ADAMTSL3: variants seen among roughly 807,000 people sequenced by gnomAD.
ADAMTSL3 encodes ADAMTS-like protein 3.
Under a neutral mutation model 201.7 loss-of-function variants are expected in ADAMTSL3, and 128 were observed. That is an observed-to-expected ratio of 0.63 (90% confidence interval 0.55 to 0.73). The LOEUF is 0.73. Ranked by LOEUF, ADAMTSL3 falls within the 30% of genes least tolerant of loss-of-function variation. The pLI, the probability that ADAMTSL3 is intolerant of heterozygous loss-of-function variation, is 0.00. For synonymous variants in ADAMTSL3, 738 were observed against 748.4 expected, an observed-to-expected ratio of 0.99 and a Z score of 0.23; for missense variants, 1,990 against 2,119.6, an observed-to-expected ratio of 0.94 and a Z score of 1.20.
intron 3 of ADAMTSL3, among the ~76,000 whole-genome samples, chr15:83,738,745 A>T (rs2062407163): frequency 6.6e-6 from 1 of 151,850 alleles, no homozygotes. Flanking sequence ...AATACAAAAA[A>T]ATTAGCCAGG....
Position 83,820,686 on chromosome 15 carries a change from A to T in ADAMTSL3, c.600+639A>T, listed in dbSNP as rs1372036901. Among the ~76,000 whole-genome samples, 4 of 152,330 alleles carry T rather than the reference A, an allele frequency of 2.6e-5. No individual in the cohort carries two copies. The South Asian group carries it at 6.2e-4, about 24-fold the overall frequency. On this transcript the variant is annotated intron_variant, in intron 6 of 29. Coordinates refer to ENST00000286744, the MANE Select transcript of ADAMTSL3 (RefSeq NM_207517.3). ...ATTTATTTACTGAAAACTAACATGA[A>T]TGCATTCCAGCAGATTTTTCAGAGT...
intron 23 of ADAMTSL3, among the ~76,000 whole-genome samples, chr15:83,994,029 G>T (rs372612361): frequency 3.9e-5 from 6 of 152,170 alleles, no homozygotes; most frequent in Non-Finnish European, 7.3e-5. Context: ...TGTGTGTCAC[G>T]CTCCTCTTTA....
intron 20 of ADAMTSL3, among the ~76,000 whole-genome samples, chr15:83,975,385 C>A (rs1187068375): frequency 6.6e-6 from 1 of 152,144 alleles, no homozygotes; most frequent in Non-Finnish European, 1.5e-5. Flanking sequence ...CTAACTCCTC[C>A]TCTAGCTTTG....
intron 12 of ADAMTSL3, among the ~76,000 whole-genome samples, chr15:83,892,399 G>A (rs899926860): frequency 7.0e-5 from 10 of 143,260 alleles, no homozygotes; most frequent in African/African-American, 1.6e-4. Context: ...GCGTGGTGGC[G>A]CATGCCTGTA....
In ADAMTSL3 at chr15:83,674,788, T is replaced by TAA. The variant is rs530735435; in HGVS notation, c.69+18960_69+18961dup. Among the ~76,000 whole-genome samples, 489 of 137,674 alleles carry TAA rather than the reference T, an allele frequency of 3.6e-3. 2 individuals carry two copies. Among genetic ancestry groups the TAA allele is most frequent in the Admixed American group, 6.6e-3 (85 of 12,954 alleles). The allele number at this position is 137,674 out of a possible 152,430, so 90.3% of individuals were successfully genotyped here. Reference sequence around the variant, plus strand: ...ATACATATATATATATATATATATATAAATCTTGCTGGAATTTTGATAGGA... The same window carrying TAA: ...ATACATATATATATATATATATATATAAAAATCTTGCTGGAATTTTGATAGGA... On this transcript the variant is annotated intron_variant, in intron 2 of 29. Coordinates refer to ENST00000286744, the MANE Select transcript of ADAMTSL3 (RefSeq NM_207517.3).
At chr15:83,856,532 A>G (rs1323598848) in intron 7 of ADAMTSL3, among the ~76,000 whole-genome samples, 1 of 152,086 alleles carries the variant, frequency 6.6e-6, no homozygotes, top group Non-Finnish European at 1.5e-5. Context: ...ATATACCAAA[A>G]AACATCTGTG....
At chr15:83,832,322 A>G (rs530563251) in intron 6 of ADAMTSL3, among the ~76,000 whole-genome samples, 21 of 152,246 alleles carry the variant, frequency 1.4e-4, no homozygotes, top group African/African-American at 5.1e-4. Flanking sequence ...AGGAGTTTCC[A>G]GGGTTTAAAG....
intron 4 of ADAMTSL3, among the ~76,000 whole-genome samples, chr15:83,801,669 T>TAA (rs1161101042): frequency 1.0e-4 from 5 of 48,180 alleles, no homozygotes; most frequent in Non-Finnish European, 1.7e-4. Context: ...TATATATATA[T>TAA]ATATATATAT....
At chr15:83,739,801 C>T (rs1415535793) in intron 3 of ADAMTSL3, 2 of 586,120 alleles carry the variant, frequency 3.4e-6, no homozygotes, top group Non-Finnish European at 6.5e-6. Flanking sequence ...AGTACATCTC[C>T]ATCCACATTT....
At chr15:83,906,709 G>C (rs542650079) in intron 15 of ADAMTSL3, among the ~76,000 whole-genome samples, 1 of 146,192 alleles carries the variant, frequency 6.8e-6, no homozygotes, top group South Asian at 2.2e-4. Flanking sequence ...GAACTGTTTT[G>C]GTTTTTTCCA....
chr15:83,763,500 ATAAT>A (rs2062841154), intron 3 of ADAMTSL3, among the ~76,000 whole-genome samples: 1 of 150,378 alleles, frequency 6.6e-6, no homozygotes, highest in African/African-American at 2.5e-5. Context: ...ACCTTAACAA[ATAAT>A]TCTTTTTTTT....
At position 83,926,514 on chromosome 15, in the gene ADAMTSL3, C is replaced by T. The variant is rs548281301; in HGVS notation, c.2117+2481C>T. On this transcript the variant is annotated intron_variant, in intron 17 of 29. Coordinates refer to ENST00000286744, the MANE Select transcript of ADAMTSL3 (RefSeq NM_207517.3). ...ATTATTTAAAACTAGGGATCCAGCC[C>T]ACCACAATTTCATTTGAGCATCCTC... 1.4e-4 allele frequency among the ~76,000 whole-genome samples: 22 copies of T among 152,256 alleles called. No homozygotes were observed. The South Asian group carries it at 4.2e-3, about 29-fold the overall frequency.
intron 6 of ADAMTSL3, among the ~76,000 whole-genome samples, chr15:83,836,656 A>C (rs2064274318): frequency 6.6e-6 from 1 of 152,222 alleles, no homozygotes; most frequent in Non-Finnish European, 1.5e-5. Flanking sequence ...GCCCTTTTTT[A>C]TTGAATCCTT....
chr15:83,946,203 A>G (rs1267776857), intron 19 of ADAMTSL3, among the ~76,000 whole-genome samples: 1 of 152,226 alleles, frequency 6.6e-6, no homozygotes, highest in African/African-American at 2.4e-5. Context: ...AACGGTTGTC[A>G]CTGGTGTCTT....
intron 23 of ADAMTSL3, 128 bp from the exon 24 acceptor site, chr15:84,014,414 T>A (rs2068053799): frequency 1.2e-6 from 1 of 844,478 alleles, no homozygotes; most frequent in Non-Finnish European, 1.9e-6. Flanking sequence ...AATAGCCATT[T>A]TTCCTATTAT....
chr15:83,805,508 G>T (rs1033115121), intron 5 of ADAMTSL3, among the ~76,000 whole-genome samples: 1 of 151,128 alleles, frequency 6.6e-6, no homozygotes, highest in Non-Finnish European at 1.5e-5. Context: ...AGTGAGCCAA[G>T]ATCGCGCCAC....
At chr15:83,920,481 C>A (rs1401349207) in intron 16 of ADAMTSL3, among the ~76,000 whole-genome samples, 1 of 152,184 alleles carries the variant, frequency 6.6e-6, no homozygotes, top group Non-Finnish European at 1.5e-5. Context: ...ATTTTAACAC[C>A]AAACAGGATA....
chr15:84,035,164 C>G (rs1255917449), intron 28 of ADAMTSL3, among the ~76,000 whole-genome samples: 4 of 152,116 alleles, frequency 2.6e-5, no homozygotes, highest in African/African-American at 9.7e-5. Context: ...TTAGAAAGCT[C>G]AATAGTCCTG....
chr15:83,799,396 T>C (rs568448712), intron 4 of ADAMTSL3, among the ~76,000 whole-genome samples: 170 of 152,314 alleles, frequency 1.1e-3, no homozygotes, highest in African/African-American at 3.9e-3. Flanking sequence ...TCTTTTGCAC[T>C]GCAAACCATA....
Sources: allele counts gnomAD v4.1 joint callset (sites outside exome capture counted in the v4.1 genomes callset), GRCh38; gene constraint gnomAD v4.1.1; transcripts MANE v1.5; gene names NCBI Gene and HGNC (gene_info 2026-07-23, HGNC 2026-07-21).